Variants in ABCB10 observed in about 807,000 individuals in gnomAD.
ABCB10 encodes the protein ATP-binding cassette sub-family B member 10, mitochondrial.
A neutral mutation model predicts 65.4 loss-of-function variants in ABCB10; 54 were observed. The ratio of observed to expected loss-of-function variants is 0.83; its 90% CI spans 0.66 to 1.04. The LOEUF (loss-of-function observed/expected upper bound fraction) is 1.04. ABCB10 is among the 50% of genes least tolerant of loss of function. The pLI is 0.00. For synonymous variants in ABCB10, 418 were observed against 406.5 expected (o/e 1.03, Z -0.34); for missense variants, 846 against 976.6 (o/e 0.87, Z 1.78).
chr1:229,554,603 C>A (rs548544825), intron 1 of ABCB10, among the ~76,000 whole-genome samples: 1 of 152,324 alleles, frequency 6.6e-6, no homozygotes, highest in East Asian at 1.9e-4. Context: ...ATTATCCACA[C>A]ATGATCAACA....
rs922649220 is a variant in ABCB10 at position 229,531,688 on chromosome 1, T to C, written c.1383A>G (p.Ala461=). The C allele has an allele frequency of 5.0e-6, 8 of 1,613,800 alleles. No homozygotes were observed. In the South Asian group the frequency reaches 7.7e-5, roughly 16 times the overall value. The change falls in exon 7 of 13, where the codon GCA becomes GCG. Residue 461 remains alanine, a synonymous_variant. Coordinates refer to ENST00000344517, the MANE Select transcript of ABCB10 (RefSeq NM_012089.3). ...CCAGGAGCTCCCAGAGGCGCCCCCC[T>C]GCACCCAGTCCTTTCATCAGCTCCG... ...FYSELMKGLG[A]GGRLWELLER... is the part of the protein sequence containing the mutation.
At chr1:229,528,077 G>C (rs1410569609) in intron 8 of ABCB10, among the ~76,000 whole-genome samples, 1 of 152,160 alleles carries the variant, frequency 6.6e-6, no homozygotes, top group African/African-American at 2.4e-5. Context: ...GATGACAACA[G>C]TGACAGCATA....
intron 6 of ABCB10, among the ~76,000 whole-genome samples, chr1:229,533,117 C>A (rs372501269): frequency 5.9e-5 from 9 of 152,006 alleles, no homozygotes; most frequent in East Asian, 5.8e-4. Flanking sequence ...TCTAGCCATC[C>A]CTTTTTAAAG....
At chr1:229,543,907 ACAGGGCAGGTCTAACACTTCTGGGG>A (rs771784593) in intron 3 of ABCB10, among the ~76,000 whole-genome samples, 25 of 152,300 alleles carry the variant, frequency 1.6e-4, no homozygotes, top group Admixed American at 1.1e-3. Flanking sequence ...CATGAGACCA[ACAGGGCAGGTCTAACACTTCTGGGG>A]CCTGAACACA....
At chr1:229,518,445 C>T (rs371157444) in intron 12 of ABCB10, 35 bp from the exon 13 acceptor site, 30 of 1,564,888 alleles carry the variant, frequency 1.9e-5, no homozygotes, top group Middle Eastern at 3.3e-4. Context: ...AAAGCAAAGA[C>T]GTCAGTGACA....
intron 12 of ABCB10, 77 bp downstream of exon 12, chr1:229,518,764 C>T: frequency 8.2e-7 from 1 of 1,213,836 alleles, no homozygotes; most frequent in Non-Finnish European, 1.2e-6. Flanking sequence ...CTTTGAGGTA[C>T]AGAATTAAAA....
intron 10 of ABCB10, 43 bp downstream of exon 10, chr1:229,525,893 T>C (rs775280692): frequency 6.4e-7 from 1 of 1,551,730 alleles, no homozygotes; most frequent in Non-Finnish European, 8.7e-7. Flanking sequence ...TGAAAAGTTC[T>C]TTGGATATAG....
chr1:229,553,778 C>A (rs2102711652), intron 1 of ABCB10, among the ~76,000 whole-genome samples: 1 of 151,816 alleles, frequency 6.6e-6, no homozygotes, highest in Middle Eastern at 3.4e-3. Flanking sequence ...TTAAGTTCTC[C>A]TTTTAAGCTC....
At chr1:229,527,393 C>G in intron 8 of ABCB10, 85 bp from the exon 9 acceptor site, 1 of 1,215,438 alleles carries the variant, frequency 8.2e-7, no homozygotes, top group Non-Finnish European at 1.2e-6. Context: ...GGGAAAATTC[C>G]AGACTCATTT....
At chr1:229,550,525 CAAAAAAAAA>C (rs60323914) in intron 1 of ABCB10, among the ~76,000 whole-genome samples, 6 of 63,544 alleles carry the variant, frequency 9.4e-5, no homozygotes, top group African/African-American at 3.0e-4. Flanking sequence ...ATGCTGTCTC[CAAAAAAAAA>C]AAAAAAAAAA....
intron 10 of ABCB10, among the ~76,000 whole-genome samples, chr1:229,524,430 T>C (rs1662384752): frequency 6.6e-6 from 1 of 152,132 alleles, no homozygotes; most frequent in Admixed American, 6.5e-5. Context: ...CCCAGAGTGC[T>C]AGGACTACAG....
chr1:229,523,608 G>A (rs951264717), intron 10 of ABCB10, among the ~76,000 whole-genome samples: 1 of 152,082 alleles, frequency 6.6e-6, no homozygotes. Flanking sequence ...CCTGCTGATG[G>A]CTTAGGTCCC....
chr1:229,547,506 C>T lies in ABCB10; in HGVS notation c.914G>A (p.Ser305Asn). 1 of 1,612,580 alleles carries T rather than the reference C, an allele frequency of 6.2e-7. No individual in the cohort carries two copies. The highest frequency in any genetic ancestry group is 8.5e-7 in the Non-Finnish European group (1 of 1,179,864). Reference sequence around the variant, plus strand: ...GGAACCAGGCCCACATACCATCATACTGATGCCTACGGAAGCCTGGGCCCC... The same window carrying T: ...GGAACCAGGCCCACATACCATCATATTGATGCCTACGGAAGCCTGGGCCCC... ...RAGAQASVGI[S>N]MMFFVSPNLA... The change falls in exon 3 of 13, where the codon AGT becomes AAT. Residue 305 changes from serine (S) to asparagine (N), a missense_variant. By Grantham distance (46) the Ser-to-Asn change is conservative. Around this residue, in one of 2 missense-constraint regions of ABCB10, gnomAD observed 632 missense variants for 803.2 expected, o/e 0.79. Coordinates refer to ENST00000344517, the MANE Select transcript of ABCB10 (RefSeq NM_012089.3).
chr1:229,542,347 TGGCCAGATTA>T lies in ABCB10; in HGVS notation c.936_945del (p.Asn313ProfsTer4). On this transcript the variant is annotated frameshift_variant, in exon 4 of 13. Transcript: ENST00000344517. LOFTEE classifies it high-confidence loss of function. ...GGAGGCACCACGCTCAAAACAAAGG[TGGCCAGATTA>T]GGTGAGACAAAAAACTGTCAAAAAC... 1 of 1,613,610 alleles carries T rather than the reference TGGCCAGATTA, an allele frequency of 6.2e-7. No individual in the cohort carries two copies. The highest frequency in any genetic ancestry group is 8.5e-7 in the Non-Finnish European group (1 of 1,179,900).
At chr1:229,525,006 A>G (rs546060210) in intron 10 of ABCB10, among the ~76,000 whole-genome samples, 5 of 152,146 alleles carry the variant, frequency 3.3e-5, no homozygotes, top group Admixed American at 1.3e-4. Flanking sequence ...GGTGCCCACC[A>G]CCACGCCCAG....
chr1:229,528,737 G>A (rs1019126733), intron 8 of ABCB10, among the ~76,000 whole-genome samples: 3 of 149,940 alleles, frequency 2.0e-5, no homozygotes, highest in Non-Finnish European at 3.0e-5. Flanking sequence ...TATGTTACCC[G>A]GGCTGGTCTC....
At chr1:229,547,060 C>G (rs1431806758) in intron 3 of ABCB10, among the ~76,000 whole-genome samples, 3 of 152,030 alleles carry the variant, frequency 2.0e-5, no homozygotes, top group Non-Finnish European at 4.4e-5. Flanking sequence ...AGGACAGGCA[C>G]AAGCCACCCA....
intron 1 of ABCB10, among the ~76,000 whole-genome samples, chr1:229,553,080 G>A (rs953916559): frequency 6.6e-6 from 1 of 152,062 alleles, no homozygotes; most frequent in Admixed American, 6.6e-5. Context: ...GGCAAGGTCG[G>A]CCTAAAAGGG....
At chr1:229,539,415 T>C (rs1303772987) in intron 6 of ABCB10, 41 bp downstream of exon 6, 1 of 1,603,148 alleles carries the variant, frequency 6.2e-7, no homozygotes, top group Non-Finnish European at 8.5e-7. Flanking sequence ...GATGCTCTGA[T>C]TTTTAATTTG....
Sources: gnomAD v4.1 joint callset for allele counts (sites outside exome capture counted in the v4.1 genomes callset) on GRCh38, gnomAD v4.1.1 for gene constraint, gnomAD v4.1.1 regional missense constraint, MANE v1.5 for transcripts, NCBI Gene and HGNC (gene_info 2026-07-23, HGNC 2026-07-21) for gene names.